The following OTOGL variants were observed in gnomAD, a reference collection of about 807,000 sequenced individuals.
OTOGL encodes the protein otogelin-like protein.
A neutral mutation model predicts 318.5 loss-of-function variants in OTOGL; 285 were observed. That is an observed-to-expected ratio of 0.89 (90% CI 0.81 to 0.99). The LOEUF (loss-of-function observed/expected upper bound fraction) is 0.99. Among genes scored for constraint, OTOGL ranks in the 50% least tolerant of loss-of-function variants. The pLI is 0.00. For synonymous variants in OTOGL, 987 were observed against 936.5 expected, an observed-to-expected ratio of 1.05 and a Z score of -0.99; for missense variants, 2,899 against 2,845.6, an observed-to-expected ratio of 1.02 and a Z score of -0.43.
Position 80,138,424 on chromosome 12 carries a change from G to A in OTOGL, c.-20+38819G>A, listed in dbSNP as rs1232306542. Among the ~76,000 whole-genome samples, 9 of 152,158 alleles carry A rather than the reference G, an allele frequency of 5.9e-5. No individual in the cohort carries two copies. The South Asian group carries it at 1.2e-3, about 21-fold the overall frequency. On this transcript the variant is annotated intron_variant, in intron 1 of 58. Transcript: ENST00000547103. ...GTTCTTGGCAAATGGTAAGTACAAC[G>A]TAACTATCAGTGTTATCACTCTTCT... is the stretch of plus-strand genomic sequence containing the variant.
At chr12:80,290,081 C>T (rs997399245) in intron 26 of OTOGL, among the ~76,000 whole-genome samples, 4 of 152,152 alleles carry the variant, frequency 2.6e-5, no homozygotes, top group Non-Finnish European at 4.4e-5. Context: ...ATGAGAAAAT[C>T]GTAGTATCTG....
chr12:80,340,939 T>TG (rs1888728205), intron 43 of OTOGL, among the ~76,000 whole-genome samples: 1 of 151,172 alleles, frequency 6.6e-6, no homozygotes, highest in Non-Finnish European at 1.5e-5. Context: ...CACTTAGGTT[T>TG]TTTTTTTTTT....
rs1884304928 is a variant in OTOGL at position 80,282,460 on chromosome 12, C to G, written c.2928+3294C>G. Among the ~76,000 whole-genome samples the G allele has an allele frequency of 2.0e-5, 3 of 151,168 alleles. No individual in the cohort carries two copies. In the South Asian group the frequency reaches 6.2e-4, roughly 31 times the overall value. ...TTCCTTTATGAATGGTTTTAAGTTT[C>G]TTAAAGAATAAATACCTAGGAATGG... On this transcript the variant is annotated intron_variant, in intron 26 of 58. Transcript: ENST00000547103.
chr12:80,205,891 A>G (rs553465114), intron 1 of OTOGL, among the ~76,000 whole-genome samples: 2 of 152,250 alleles, frequency 1.3e-5, no homozygotes, highest in South Asian at 4.1e-4. Context: ...TGACATATAT[A>G]CTCCTCAATA....
chr12:80,218,786 TTTTTCTTTC>T lies in OTOGL; in HGVS notation c.236-1023_236-1015del, dbSNP rs1250854741. 5.6e-4 allele frequency among the ~76,000 whole-genome samples: 83 copies of T among 148,618 alleles called. 1 individual carries two copies. The highest frequency in any genetic ancestry group is 2.0e-3 in the African/African-American group (80 of 39,822). On this transcript the variant is annotated intron_variant, in intron 5 of 58. Transcript: ENST00000547103. ...TTAAGTATAGATTTCTTTTTTTTTC[TTTTTCTTTC>T]TTTTTTTTTTTTTTTTTTTGAGACA...
At chr12:80,348,039 A>G (rs1369441074) in intron 44 of OTOGL, among the ~76,000 whole-genome samples, 1 of 152,150 alleles carries the variant, frequency 6.6e-6, no homozygotes, top group African/African-American at 2.4e-5. Flanking sequence ...TCAGATGGAT[A>G]GATTGCAAAA....
chr12:80,288,121 T>C (rs958617360), intron 26 of OTOGL, among the ~76,000 whole-genome samples: 5 of 152,128 alleles, frequency 3.3e-5, no homozygotes, highest in African/African-American at 9.7e-5. Context: ...AGAATTTGCT[T>C]GTCTGTAAAG....
intron 38 of OTOGL, among the ~76,000 whole-genome samples, chr12:80,335,480 T>C (rs890659091): frequency 6.6e-6 from 1 of 152,112 alleles, no homozygotes; most frequent in Non-Finnish European, 1.5e-5. Flanking sequence ...CATTGTGAGT[T>C]ACATATAAAA....
At chr12:80,312,838 CAG>C (rs753947470) in intron 30 of OTOGL, among the ~76,000 whole-genome samples, 3 of 151,984 alleles carry the variant, frequency 2.0e-5, no homozygotes, top group Non-Finnish European at 4.4e-5. Context: ...TTATTTGAGA[CAG>C]AGTCTCTGTC....
At position 80,323,855 on chromosome 12, in the gene OTOGL, C is replaced by T. The variant is rs746846092; in HGVS notation, c.4199+15C>T. On this transcript the variant is annotated intron_variant, in intron 35 of 58. Coordinates refer to ENST00000547103, the MANE Select transcript of OTOGL (RefSeq NM_001378609.3). Reference sequence around the variant, plus strand: ...TTTCTTCCACCGTAAGTAACGTTTACCAATAAGTGATCAAAGTCCAGCCTT... The same window carrying T: ...TTTCTTCCACCGTAAGTAACGTTTATCAATAAGTGATCAAAGTCCAGCCTT... 2 of 1,572,612 alleles carry T rather than the reference C, an allele frequency of 1.3e-6. No homozygotes were observed. Among genetic ancestry groups the T allele is most frequent in the Admixed American group, 3.4e-5 (2 of 59,268 alleles).
At chr12:80,227,301 A>AT (rs1319571602) in intron 7 of OTOGL, among the ~76,000 whole-genome samples, 1 of 152,096 alleles carries the variant, frequency 6.6e-6, no homozygotes, top group Non-Finnish European at 1.5e-5. Context: ...TTTCAGCAAC[A>AT]TTTTATTCTC....
At chr12:80,179,823 G>A (rs1285191962) in intron 1 of OTOGL, among the ~76,000 whole-genome samples, 1 of 152,206 alleles carries the variant, frequency 6.6e-6, no homozygotes, top group Non-Finnish European at 1.5e-5. Flanking sequence ...CATCCATCAT[G>A]TATTGGTGGT....
At chr12:80,356,632 G>T (rs112557722) in intron 48 of OTOGL, 112 bp downstream of exon 48, 4 of 909,260 alleles carry the variant, frequency 4.4e-6, no homozygotes, top group Non-Finnish European at 4.7e-6. Flanking sequence ...AAAAGATTGC[G>T]GACTTGTCTT....
In OTOGL at chr12:80,233,397, C is replaced by A. The variant is rs185564950; in HGVS notation, c.817+300C>A. Reference sequence around the variant, plus strand: ...ACCTCTGTATCCACTGCTTTAGGAACCTGGAATACATCAGTGAACAAAGCC... The same window carrying A: ...ACCTCTGTATCCACTGCTTTAGGAAACTGGAATACATCAGTGAACAAAGCC... On this transcript the variant is annotated intron_variant, in intron 9 of 58. Coordinates refer to ENST00000547103, the MANE Select transcript of OTOGL (RefSeq NM_001378609.3). Among the ~76,000 whole-genome samples the A allele has an allele frequency of 3.1e-3, 467 of 152,294 alleles. 3 individuals are homozygous for A. Among genetic ancestry groups the A allele is most frequent in the African/African-American group, 0.011 (441 of 41,562 alleles).
At chr12:80,166,827 A>G (rs975751964) in intron 1 of OTOGL, among the ~76,000 whole-genome samples, 4 of 152,186 alleles carry the variant, frequency 2.6e-5, no homozygotes, top group African/African-American at 2.4e-5. Context: ...TCAGAGGAGT[A>G]CATGGTGAGA....
At chr12:80,168,286 T>A (rs1440927085) in intron 1 of OTOGL, among the ~76,000 whole-genome samples, 2 of 152,132 alleles carry the variant, frequency 1.3e-5, no homozygotes, top group Non-Finnish European at 2.9e-5. Flanking sequence ...CACTACAAAA[T>A]GCTCAACTCA....
intron 7 of OTOGL, among the ~76,000 whole-genome samples, chr12:80,226,177 A>ACACACAC (rs1878824294): frequency 3.8e-5 from 5 of 132,960 alleles, no homozygotes; most frequent in Non-Finnish European, 6.5e-5. Context: ...TCCTGCTCCT[A>ACACACAC]ACACACACAC....
intron 44 of OTOGL, among the ~76,000 whole-genome samples, chr12:80,349,754 A>G (rs1037339): frequency 0.93 from 141,368 of 152,212 alleles, 65,725 homozygotes; most frequent in East Asian, 1. Context: ...TTGAAAAGAA[A>G]GTCAAATCTT....
chr12:80,240,610 C>T (rs77083859), intron 11 of OTOGL, among the ~76,000 whole-genome samples: 2 of 150,778 alleles, frequency 1.3e-5, no homozygotes, highest in South Asian at 2.1e-4. Context: ...GAAAAAAGGA[C>T]ATATGAGACA....
Sources: allele counts gnomAD v4.1 joint callset (sites outside exome capture counted in the v4.1 genomes callset), GRCh38; gene constraint gnomAD v4.1.1; transcripts MANE v1.5; gene names NCBI Gene and HGNC (gene_info 2026-07-23, HGNC 2026-07-21).